NOS1AP: variants seen among roughly 807,000 people sequenced by gnomAD.
NOS1AP encodes nitric oxide synthase 1 adaptor protein, also known as carboxyl-terminal PDZ ligand of neuronal nitric oxide synthase protein.
NOS1AP carries 21 observed loss-of-function variants against 56.2 expected under a neutral mutation model. The ratio of observed to expected loss-of-function variants is 0.37; its 90% CI spans 0.26 to 0.54. The LOEUF is 0.54. Among genes scored for constraint, NOS1AP ranks in the 20% least tolerant of loss-of-function variants. NOS1AP has a pLI of 0.84. For missense variants in NOS1AP, 522 were observed against 657.8 expected (o/e 0.79, Z 2.26); for synonymous variants, 270 against 274.6 (o/e 0.98, Z 0.17).
intron 1 of NOS1AP, among the ~76,000 whole-genome samples, chr1:162,076,667 A>G (rs1691775723): frequency 6.6e-6 from 1 of 152,170 alleles, no homozygotes; most frequent in Admixed American, 6.5e-5. Flanking sequence ...GGAGTTCAAG[A>G]CTAGCCTGGC....
intron 1 of NOS1AP, among the ~76,000 whole-genome samples, chr1:162,146,759 TGA>T (rs1194476143): frequency 6.6e-6 from 1 of 152,252 alleles, no homozygotes; most frequent in Non-Finnish European, 1.5e-5. Context: ...AGAGAAAAAT[TGA>T]GAGGCAAGGC....
At position 162,289,200 on chromosome 1, in the gene NOS1AP, C is replaced by CTTCCTTCCTTCCTTCCT. The variant is rs1327756476; in HGVS notation, c.270+1774_270+1775insCCTTCCTTTCCTTCCTT. On this transcript the variant is annotated intron_variant, in intron 3 of 9. Transcript: ENST00000361897. ...ATCTTTGTTTGCCTTTCTTTCCTTC[C>CTTCCTTCCTTCCTTCCT]TTCCTTCCTTTCCTTCCTTCCTTCC... 1.6e-4 allele frequency among the ~76,000 whole-genome samples: 21 copies of CTTCCTTCCTTCCTTCCT among 127,304 alleles called. 1 individual carries two copies. The East Asian group carries it at 5.0e-3, about 30-fold the overall frequency. The allele number at this position is 127,304 out of a possible 152,430, so 83.5% of individuals were successfully genotyped here. A position where few individuals can be genotyped will look rare whatever the true frequency, so the allele number is the denominator to read the frequency against.
chr1:162,277,005 C>T (rs1196484515), intron 2 of NOS1AP, among the ~76,000 whole-genome samples: 1 of 152,184 alleles, frequency 6.6e-6, no homozygotes, highest in Non-Finnish European at 1.5e-5. Context: ...ACCTTTTGGA[C>T]TTACATACTG....
intron 2 of NOS1AP, among the ~76,000 whole-genome samples, chr1:162,164,240 T>C: frequency 6.6e-6 from 1 of 152,184 alleles, no homozygotes; most frequent in East Asian, 1.9e-4. Flanking sequence ...AGAATGTCAG[T>C]TCCTCGCTAC....
At chr1:162,335,313 G>T (rs1053979504) in intron 5 of NOS1AP, among the ~76,000 whole-genome samples, 2 of 152,218 alleles carry the variant, frequency 1.3e-5, no homozygotes, top group African/African-American at 4.8e-5. Flanking sequence ...CAGCCTGGGC[G>T]TTGAGCCCTG....
chr1:162,177,401 G>A (rs1651101707), intron 2 of NOS1AP, among the ~76,000 whole-genome samples: 3 of 152,106 alleles, frequency 2.0e-5, no homozygotes, highest in African/African-American at 7.2e-5. Context: ...GCCCACGCAT[G>A]GCCCTTTCAG....
At chr1:162,075,133 C>T (rs937481936) in intron 1 of NOS1AP, among the ~76,000 whole-genome samples, 13 of 152,198 alleles carry the variant, frequency 8.5e-5, no homozygotes, top group African/African-American at 3.1e-4. Context: ...TTCCTCTCTG[C>T]ATATATCTTC....
intron 1 of NOS1AP, among the ~76,000 whole-genome samples, chr1:162,132,567 G>A (rs1648799489): frequency 6.6e-6 from 1 of 152,224 alleles, no homozygotes; most frequent in Non-Finnish European, 1.5e-5. Flanking sequence ...TGAGATCACG[G>A]CAATCAGATG....
chr1:162,167,313 T>C (rs989947437), intron 2 of NOS1AP, among the ~76,000 whole-genome samples: 2 of 152,248 alleles, frequency 1.3e-5, no homozygotes, highest in Non-Finnish European at 2.9e-5. Context: ...TCTCATCACC[T>C]GAGGGCTTAT....
At position 162,155,284 on chromosome 1, in the gene NOS1AP, A is replaced by ATGTATATATG. The variant is rs1649904934; in HGVS notation, c.177+809_177+810insGTATATATGT. On this transcript the variant is annotated intron_variant, in intron 2 of 9. Transcript: ENST00000361897. The stretch of plus-strand genomic sequence containing the variant: ...TATATATACACATACATATACACAT[A>ATGTATATATG]TATACATATATATGTATATGTATGT... 8.6e-5 allele frequency among the ~76,000 whole-genome samples: 12 copies of ATGTATATATG among 139,070 alleles called. No individual in the cohort carries two copies. In the South Asian group the frequency reaches 2.8e-3, roughly 32 times the overall value. 91.2% of individuals were successfully genotyped at this position (139,070 alleles called of 152,430 possible).
intron 2 of NOS1AP, among the ~76,000 whole-genome samples, chr1:162,202,011 G>A (rs2102167508): frequency 6.6e-6 from 1 of 152,280 alleles, no homozygotes; most frequent in South Asian, 2.1e-4. Context: ...TATGGGGGTG[G>A]TGGAGAAACG....
intron 1 of NOS1AP, among the ~76,000 whole-genome samples, chr1:162,075,720 C>G (rs181761260): frequency 6.6e-6 from 1 of 152,110 alleles, no homozygotes; most frequent in African/African-American, 2.4e-5. Flanking sequence ...ACGTAGTTCA[C>G]TTTCTTATGC....
At chr1:162,344,708 C>G (rs1156706473) in intron 6 of NOS1AP, among the ~76,000 whole-genome samples, 1 of 135,220 alleles carries the variant, frequency 7.4e-6, no homozygotes. Flanking sequence ...TAGGCTGCCT[C>G]AAAAAAAAAA....
At chr1:162,325,800 T>G (rs1055941827) in intron 4 of NOS1AP, among the ~76,000 whole-genome samples, 3 of 152,136 alleles carry the variant, frequency 2.0e-5, no homozygotes, top group African/African-American at 7.2e-5. Flanking sequence ...TCAGCTGGTT[T>G]CATTTCGCTC....
intron 3 of NOS1AP, among the ~76,000 whole-genome samples, chr1:162,288,095 G>T (rs1655150154): frequency 6.6e-6 from 1 of 152,168 alleles, no homozygotes; most frequent in Non-Finnish European, 1.5e-5. Flanking sequence ...AGTTGTATGT[G>T]GTTGTGGCAG....
At chr1:162,331,853 C>T (rs1656781669) in intron 4 of NOS1AP, among the ~76,000 whole-genome samples, 1 of 152,198 alleles carries the variant, frequency 6.6e-6, no homozygotes, top group Admixed American at 6.5e-5. Flanking sequence ...TGTCCTAAGC[C>T]ATCTTAAGAT....
chr1:162,133,069 G>A (rs1026433508), intron 1 of NOS1AP, among the ~76,000 whole-genome samples: 12 of 152,298 alleles, frequency 7.9e-5, no homozygotes, highest in African/African-American at 2.4e-4. Flanking sequence ...TGTTGGCTGG[G>A]ATTTCTGGGT....
At chr1:162,362,980 C>T in intron 8 of NOS1AP, 1 of 902,196 alleles carries the variant, frequency 1.1e-6, no homozygotes, top group Non-Finnish European at 1.3e-6. Context: ...TCACAACATA[C>T]TTCTATGACC....
chr1:162,181,753 A>G (rs1427835219), intron 2 of NOS1AP, among the ~76,000 whole-genome samples: 2 of 152,212 alleles, frequency 1.3e-5, no homozygotes, highest in South Asian at 2.1e-4. Flanking sequence ...AAAATGCCCA[A>G]TTTATTTCAT....
Sources: gnomAD v4.1 joint callset for allele counts (sites outside exome capture counted in the v4.1 genomes callset) on GRCh38, gnomAD v4.1.1 for gene constraint, MANE v1.5 for transcripts, NCBI Gene and HGNC (gene_info 2026-07-23, HGNC 2026-07-21) for gene names.